The following SOCS2 variants were observed in gnomAD, a reference collection of about 807,000 sequenced individuals.
SOCS2 encodes CIS-2.
In SOCS2, 10 loss-of-function variants were observed where a neutral mutation model predicts 18.6. The ratio of observed to expected loss-of-function variants is 0.54; its 90% confidence interval spans 0.33 to 0.91. SOCS2 has a LOEUF of 0.91. SOCS2 is among the 40% of genes least tolerant of loss of function. SOCS2 has a pLI of 0.02. For missense variants in SOCS2, 231 were observed against 247.2 expected (o/e 0.93, Z 0.44); for synonymous variants, 104 against 104.0 (o/e 1.00, Z 0.00).
intron 1 of SOCS2, 74 bp from the exon 2 acceptor site, chr12:93,574,648 C>A: frequency 9.6e-7 from 1 of 1,044,896 alleles, no homozygotes; most frequent in Non-Finnish European, 1.3e-6. Context: ...TTGCCAATTA[C>A]TTGCTCTGTT....
chr12:93,590,783 C>CAAACAAAAAAAAA, the SOCS2 span, among the ~76,000 whole-genome samples: 1 of 38,956 alleles, frequency 2.6e-5, no homozygotes, highest in African/African-American at 1.2e-4. Context: ...GACTCCGCCT[C>CAAACAAAAAAAAA]AAAAAAAAAA....
chr12:93,577,849 C>G (rs545434860), downstream of SOCS2, among the ~76,000 whole-genome samples: 1 of 152,066 alleles, frequency 6.6e-6, no homozygotes, highest in African/African-American at 2.4e-5. Context: ...TTGGTAGCCC[C>G]ATTTATACAT....
chr12:93,577,965 T>C (rs1296436529), downstream of SOCS2, among the ~76,000 whole-genome samples: 3 of 152,222 alleles, frequency 2.0e-5, no homozygotes, highest in African/African-American at 7.2e-5. Flanking sequence ...TGAGGATATT[T>C]ATTATTGTTG....
At chr12:93,605,449 T>C in the SOCS2 span, among the ~76,000 whole-genome samples, 1 of 152,300 alleles carries the variant, frequency 6.6e-6, no homozygotes, top group South Asian at 2.1e-4. Context: ...ACCATACCTG[T>C]GAAGCCTTAT....
intron 1 of SOCS2, chr12:93,573,286 G>A: frequency 1.7e-6 from 1 of 585,362 alleles, no homozygotes; most frequent in Non-Finnish European, 3.0e-6. Context: ...TTCTTAGCAC[G>A]CTGGAAGATT....
At position 93,572,756 on chromosome 12, in the gene SOCS2, CA is replaced by C. The variant is rs1325840138; in HGVS notation, c.-141del. The stretch of plus-strand genomic sequence containing the variant: ...TCCAGGATCTGGGGAGAAAGAGCCC[CA>C]TCCCTTCTCTCTCTGCCACCATTTC... On this transcript the variant is annotated 5_prime_UTR_variant, in exon 1 of 2. Transcript: ENST00000551556. The surrounding 1 kb of genome is among the most constrained non-coding windows in gnomAD (Gnocchi z 5.0). 7.7e-6 allele frequency: 8 copies of C among 1,045,434 alleles called. No homozygotes were observed. The Admixed American group carries it at 1.4e-4, about 18-fold the overall frequency. 64.8% of individuals were successfully genotyped at this position (1,045,434 alleles called of 1,614,324 possible).
intron 1 of SOCS2, chr12:93,573,378 C>G (rs540529586): frequency 4.1e-6 from 2 of 485,518 alleles, no homozygotes; most frequent in Non-Finnish European, 7.2e-6. Flanking sequence ...TCCCTTTGCA[C>G]GGGGTGCAAT....
chr12:93,620,355 T>A, the SOCS2 span, among the ~76,000 whole-genome samples: 1 of 152,198 alleles, frequency 6.6e-6, no homozygotes, highest in South Asian at 2.1e-4. Flanking sequence ...GTGGATGGCA[T>A]CCCCCATCGC....
the SOCS2 span, among the ~76,000 whole-genome samples, chr12:93,625,745 CAAAAAAAAA>C: frequency 1.6e-5 from 1 of 62,486 alleles, no homozygotes; most frequent in Non-Finnish European, 4.1e-5. Context: ...GAGACCATCT[CAAAAAAAAA>C]AAAAAAAAAA....
At chr12:93,599,171 CTTTTTT>C in the SOCS2 span, among the ~76,000 whole-genome samples, 1 of 122,332 alleles carries the variant, frequency 8.2e-6, no homozygotes, top group East Asian at 2.3e-4. Context: ...TGCTGTTTGT[CTTTTTT>C]TTTTTTTTTT....
chr12:93,572,419 T>G, upstream of SOCS2: 1 of 342,766 alleles, frequency 2.9e-6, no homozygotes, highest in South Asian at 2.4e-5. This position sits in a 1 kb window ranked among gnomAD's most constrained non-coding sequence, Gnocchi z 5.0. Flanking sequence ...TGATTTCAGC[T>G]AGTGACCCTG....
downstream of SOCS2, among the ~76,000 whole-genome samples, chr12:93,588,003 G>A (rs1954595158): frequency 6.6e-6 from 1 of 152,348 alleles, no homozygotes; most frequent in Non-Finnish European, 1.5e-5. Flanking sequence ...CTGGAGGGAC[G>A]TGACCTGAGA....
At chr12:93,602,620 C>T in the SOCS2 span, among the ~76,000 whole-genome samples, 2 of 152,018 alleles carry the variant, frequency 1.3e-5, no homozygotes, top group East Asian at 3.9e-4. Flanking sequence ...GAGTTGAGTC[C>T]ACTTCACCAG....
At chr12:93,587,939 G>C (rs577912611), downstream of SOCS2, among the ~76,000 whole-genome samples, 1 of 152,172 alleles carries the variant, frequency 6.6e-6, no homozygotes, top group South Asian at 2.1e-4. Flanking sequence ...GCTATCGAAG[G>C]CTTTTGAACA....
chr12:93,607,225 G>T, the SOCS2 span, among the ~76,000 whole-genome samples: 1 of 152,140 alleles, frequency 6.6e-6, no homozygotes, highest in Non-Finnish European at 1.5e-5. Context: ...ATTAATAAAA[G>T]ATGGCAGATT....
the SOCS2 span, among the ~76,000 whole-genome samples, chr12:93,609,870 G>T: frequency 6.6e-6 from 1 of 152,206 alleles, no homozygotes; most frequent in South Asian, 2.1e-4. Flanking sequence ...AGGCTGGAAA[G>T]TCCAATGTCA....
At chr12:93,604,585 G>C in the SOCS2 span, among the ~76,000 whole-genome samples, 3 of 152,200 alleles carry the variant, frequency 2.0e-5, no homozygotes, top group African/African-American at 7.2e-5. Flanking sequence ...CATTCGTAAA[G>C]TGTTTGGTCA....
chr12:93,571,823 A>G (rs769945990), upstream of SOCS2: 2 of 178,178 alleles, frequency 1.1e-5, no homozygotes, highest in South Asian at 3.3e-5. Flanking sequence ...GGCCCCTCCC[A>G]CCTCCCCTTT....
At chr12:93,579,312 G>A (rs1845403054), downstream of SOCS2, among the ~76,000 whole-genome samples, 1 of 152,214 alleles carries the variant, frequency 6.6e-6, no homozygotes, top group Admixed American at 6.5e-5. Flanking sequence ...CAGTGAAAGA[G>A]GATAATTATA....
Sources: allele counts gnomAD v4.1 joint callset (sites outside exome capture counted in the v4.1 genomes callset), GRCh38; gene constraint gnomAD v4.1.1; non-coding constraint Gnocchi (gnomAD v3.1); transcripts MANE v1.5; gene names NCBI Gene and HGNC (gene_info 2026-07-23, HGNC 2026-07-21).